The following KIF1A variants were observed in gnomAD, a reference collection of about 807,000 sequenced individuals.
KIF1A encodes the protein kinesin-like protein KIF1A.
In KIF1A, 46 loss-of-function variants were observed where a neutral mutation model predicts 227.3. That is an observed-to-expected ratio of 0.20 (90% CI 0.16 to 0.26). KIF1A has a LOEUF of 0.26. Among genes scored for constraint, KIF1A ranks in the 10% least tolerant of loss-of-function variants. The pLI, the probability that KIF1A is intolerant of heterozygous loss-of-function variation, is 1.00. For missense variants in KIF1A, 1,683 were observed against 2,485.9 expected, an observed-to-expected ratio of 0.68 and a Z score of 6.87; for synonymous variants, 1,022 against 1,012.8, an observed-to-expected ratio of 1.01 and a Z score of -0.17.
intron 1 of KIF1A, among the ~76,000 whole-genome samples, chr2:240,808,723 T>C (rs2057632634): frequency 6.6e-6 from 1 of 151,938 alleles, no homozygotes; most frequent in African/African-American, 2.4e-5. Flanking sequence ...TACCTAGGAA[T>C]AAATGTCACT....
chr2:240,735,137 G>A (rs1235142792), intron 38 of KIF1A, among the ~76,000 whole-genome samples: 1 of 152,186 alleles, frequency 6.6e-6, no homozygotes, highest in Non-Finnish European at 1.5e-5. Flanking sequence ...CCAGGGCAGG[G>A]CTAGGGGTGG....
Position 240,722,551 on chromosome 2 carries a change from G to T in KIF1A, c.4570C>A (p.His1524Asn). ...GGGGAGGAGGCGCTGGAGGAGCCATGGGACTCAGAGTCCTCGCTGAAGGCC... is the reference window on the plus strand; with the variant it reads ...GGGGAGGAGGCGCTGGAGGAGCCATTGGACTCAGAGTCCTCGCTGAAGGCC... ...SPAFSEDSESHGSSSASSPLS... is the reference protein window; with the variant it reads ...SPAFSEDSESNGSSSASSPLS... The change falls in exon 43 of 49, where the codon CAT becomes AAT. Residue 1524 changes from histidine (H) to asparagine (N), a missense_variant. His to Asn is a moderately conservative substitution (Grantham distance 68). Transcript: ENST00000498729. The T allele has an allele frequency of 6.4e-7, 1 of 1,551,458 alleles. No individual in the cohort carries two copies. The highest frequency in any genetic ancestry group is 8.7e-7 in the Non-Finnish European group (1 of 1,147,914).
intron 10 of KIF1A, among the ~76,000 whole-genome samples, chr2:240,779,894 TC>T (rs1464286033): frequency 1.3e-5 from 2 of 152,030 alleles, no homozygotes; most frequent in South Asian, 2.1e-4. Context: ...GTCCCATGTT[TC>T]CCCCCAGGCC....
chr2:240,766,749 T>TCACACACACACACA lies in KIF1A; in HGVS notation c.1684+152_1684+165dup, dbSNP rs55815321. Among the ~76,000 whole-genome samples the TCACACACACACACA allele has an allele frequency of 2.7e-4, 29 of 108,998 alleles. No individual in the cohort carries two copies. Among genetic ancestry groups the TCACACACACACACA allele is most frequent in the South Asian group, 1.3e-3 (4 of 3,120 alleles). 71.5% of individuals were successfully genotyped at this position (108,998 alleles called of 152,430 possible). A position where few individuals can be genotyped will look rare whatever the true frequency, so the allele number is the denominator to read the frequency against. On this transcript the variant is annotated intron_variant, in intron 19 of 48. Coordinates refer to ENST00000498729, the MANE Select transcript of KIF1A (RefSeq NM_001244008.2). The surrounding 1 kb of genome is among the most constrained non-coding windows in gnomAD (Gnocchi z 5.0). ...CTCTCTCTCTCTCTCTCTCTCTCTCTCACACACACACACACACACACACAC... is the reference window on the plus strand; with the variant it reads ...CTCTCTCTCTCTCTCTCTCTCTCTCTCACACACACACACACACACACACACACACACACACACAC...
intron 33 of KIF1A, 40 bp from the exon 34 acceptor site, chr2:240,743,024 T>C: frequency 1.9e-6 from 3 of 1,540,776 alleles, no homozygotes; most frequent in South Asian, 1.2e-5. Context: ...TGCGGGACCC[T>C]GGGCGGGAGG....
Position 240,770,580 on chromosome 2 carries a change from A to G in KIF1A, c.1341+391T>C, listed in dbSNP as rs565202404. Among the ~76,000 whole-genome samples the G allele has an allele frequency of 2.0e-5, 3 of 152,244 alleles. No homozygotes were observed. The East Asian group carries it at 5.8e-4, about 29-fold the overall frequency. On this transcript the variant is annotated intron_variant, in intron 15 of 48. Coordinates refer to ENST00000498729, the MANE Select transcript of KIF1A (RefSeq NM_001244008.2). Reference sequence around the variant, plus strand: ...CTCACTGCTCCTTGAACAAGCACCCACTCACACAATTAAAGACTCGACAGG... The same window carrying G: ...CTCACTGCTCCTTGAACAAGCACCCGCTCACACAATTAAAGACTCGACAGG...
In KIF1A at chr2:240,771,001, C is replaced by T. The variant is rs542467515; in HGVS notation, c.1311G>A (p.Pro437=). Residue 437 remains proline (P), a synonymous_variant, in exon 15 of 49, where the codon CCG becomes CCA. Coordinates refer to ENST00000498729, the MANE Select transcript of KIF1A (RefSeq NM_001244008.2). ...GTCTTTCAATGGCCTCCTCGCTGCC[C>T]GGGGCAAACAAGATGCGCTCGTGGA... ...SSLHERILFA[P]GSEEAIERLK... 93 of 1,612,548 alleles carry T rather than the reference C, an allele frequency of 5.8e-5. No homozygotes were observed. The highest frequency in any genetic ancestry group is 4.6e-4 in the South Asian group (42 of 91,046).
intron 14 of KIF1A, 198 bp from the exon 15 acceptor site, chr2:240,771,302 C>G: frequency 1.4e-6 from 1 of 690,622 alleles, no homozygotes; most frequent in Non-Finnish European, 2.5e-6. Flanking sequence ...CAACGAGGCA[C>G]AGCAGCCCTG....
In KIF1A at chr2:240,763,359, G is replaced by C. The variant is rs1440639678; in HGVS notation, c.1769-13C>G. ...ATGATGCGGTTTCCTGGGGAACAGAGGGACAGGTGGCCTTGAGGGATGGGG... is the reference window on the plus strand; with the variant it reads ...ATGATGCGGTTTCCTGGGGAACAGACGGACAGGTGGCCTTGAGGGATGGGG... On this transcript the variant is annotated splice_polypyrimidine_tract_variant and intron_variant, in intron 20 of 48. Transcript: ENST00000498729. 6.4e-7 allele frequency: 1 copy of C among 1,560,064 alleles called. No individual in the cohort carries two copies. The highest frequency in any genetic ancestry group is 2.0e-5 in the Admixed American group (1 of 51,156).
At position 240,721,019 on chromosome 2, in the gene KIF1A, G is replaced by T. The variant is rs932637073; in HGVS notation, c.4763C>A (p.Thr1588Asn). The T allele has an allele frequency of 1.2e-6, 2 of 1,611,820 alleles. No individual in the cohort carries two copies. Among genetic ancestry groups the T allele is most frequent in the African/African-American group, 2.7e-5 (2 of 74,934 alleles). ...GGACATCGACGGGTCCCGGAGCAGGGTGACAGACATCTCGGAGAGCTGCGG... is the reference window on the plus strand; with the variant it reads ...GGACATCGACGGGTCCCGGAGCAGGTTGACAGACATCTCGGAGAGCTGCGG... ...SESKLSEMSV[T>N]LLRDPSMSPL... The change falls in exon 45 of 49, where the codon ACC becomes AAC. Residue 1588 changes from threonine (T) to asparagine (N), a missense_variant. Coordinates refer to ENST00000498729, the MANE Select transcript of KIF1A (RefSeq NM_001244008.2).
chr2:240,790,145 G>A lies in KIF1A; in HGVS notation c.107-833C>T, dbSNP rs1251177320. ...GCCCTGGACGGGCCTGGACCCTGCA[G>A]ACTGCATGTCCTCAGTGGCCGGAAG... is the stretch of plus-strand genomic sequence containing the variant. On this transcript the variant is annotated intron_variant, in intron 2 of 48. Coordinates refer to ENST00000498729, the MANE Select transcript of KIF1A (RefSeq NM_001244008.2). This position sits in a 1 kb window ranked among gnomAD's most constrained non-coding sequence, Gnocchi z 5.0. Among the ~76,000 whole-genome samples, 1 of 152,130 alleles carries A rather than the reference G, an allele frequency of 6.6e-6. No homozygotes were observed. The highest frequency in any genetic ancestry group is 1.5e-5 in the Non-Finnish European group (1 of 68,026).
intron 46 of KIF1A, 116 bp downstream of exon 46, chr2:240,719,658 G>A (rs2045044456): frequency 8.1e-7 from 1 of 1,237,754 alleles, no homozygotes; most frequent in African/African-American, 1.6e-5. Context: ...CAGGCAACCT[G>A]TCTGTCTCCC....
At chr2:240,799,594 G>T (rs963463175) in intron 1 of KIF1A, among the ~76,000 whole-genome samples, 1 of 152,216 alleles carries the variant, frequency 6.6e-6, no homozygotes, top group African/African-American at 2.4e-5. Context: ...TGGACGGGGG[G>T]ATGACCTCTG....
At chr2:240,734,759 A>C in intron 38 of KIF1A, 1 of 1,304,480 alleles carries the variant, frequency 7.7e-7, no homozygotes, top group Non-Finnish European at 1.0e-6. Flanking sequence ...CAAAACACAA[A>C]CAATCACACG....
intron 1 of KIF1A, among the ~76,000 whole-genome samples, chr2:240,812,083 T>C (rs2057908674): frequency 1.3e-5 from 2 of 152,236 alleles, no homozygotes; most frequent in South Asian, 4.1e-4. Flanking sequence ...TAAAAATGCA[T>C]GCAGAAAACC....
chr2:240,744,085 C>G (rs546776765), intron 32 of KIF1A, 25 bp from the exon 33 acceptor site: 2 of 1,471,764 alleles, frequency 1.4e-6, no homozygotes, highest in Non-Finnish European at 1.9e-6. Flanking sequence ...GGTGGGAGGA[C>G]AGGAGGGCAC....
In KIF1A at chr2:240,718,172, C is replaced by A; in HGVS notation, c.5215-4G>T. 1 of 1,584,838 alleles carries A rather than the reference C, an allele frequency of 6.3e-7. No homozygotes were observed. Among genetic ancestry groups the A allele is most frequent in the Non-Finnish European group, 8.6e-7 (1 of 1,163,336 alleles). On this transcript the variant is annotated splice_polypyrimidine_tract_variant and splice_region_variant and intron_variant, in intron 47 of 48. Transcript: ENST00000498729. ...ACACCGCGAATGTGTTGGGTGTCTG[C>A]AGAGGGAGGCAGCTGGTGAGGAGGT...
chr2:240,731,771 C>T (rs937477391), intron 38 of KIF1A, among the ~76,000 whole-genome samples: 15 of 152,150 alleles, frequency 9.9e-5, no homozygotes, highest in South Asian at 2.1e-4. Context: ...CTGACACTGT[C>T]GCTGGACTCT....
rs1437914316 is a variant in KIF1A at position 240,773,161 on chromosome 2, C to T, written c.1133G>A (p.Arg378Gln). Residue 378 changes from arginine (R) to glutamine (Q), a missense_variant, in exon 13 of 49, where the codon CGG (arginine) becomes CAG (glutamine). Around this residue, in one of 12 missense-constraint regions of KIF1A, gnomAD observed 110 missense variants for 133.1 expected, o/e 0.83. Transcript: ENST00000498729. ...LIRELKDEVT[R>Q]LRDLLYAQGL... ...CTGGGCGTACAGAAGGTCCCGCAGC[C>T]GGGTCACCTCATCCTTCAGCTCGCG... 3.1e-6 allele frequency: 5 copies of T among 1,613,780 alleles called. No individual in the cohort carries two copies. Among genetic ancestry groups the T allele is most frequent in the Non-Finnish European group, 3.4e-6 (4 of 1,179,806 alleles).
Sources: gnomAD v4.1 joint callset for allele counts (sites outside exome capture counted in the v4.1 genomes callset) on GRCh38, gnomAD v4.1.1 for gene constraint, gnomAD v4.1.1 regional missense constraint, Gnocchi (gnomAD v3.1) non-coding constraint, MANE v1.5 for transcripts, NCBI Gene and HGNC (gene_info 2026-07-23, HGNC 2026-07-21) for gene names.